Variants in ANKRD6 observed in about 807,000 individuals in gnomAD.
ANKRD6 encodes ankyrin repeat domain-containing protein 6.
Under a neutral mutation model 82.3 loss-of-function variants are expected in ANKRD6, and 56 were observed. The ratio of observed to expected loss-of-function variants is 0.68; its 90% CI spans 0.55 to 0.85. ANKRD6 has a LOEUF of 0.85. ANKRD6 is among the 40% of genes least tolerant of loss of function. The probability of loss-of-function intolerance (pLI) is 0.00; values close to 1 mark genes in which losing one functional copy is unlikely to be tolerated. For missense variants in ANKRD6, 852 were observed against 907.6 expected (o/e 0.94, Z 0.79); for synonymous variants, 347 against 352.1 (o/e 0.99, Z 0.16).
intron 1 of ANKRD6, among the ~76,000 whole-genome samples, chr6:89,492,988 C>A (rs563091161): frequency 6.6e-6 from 1 of 152,290 alleles, no homozygotes; most frequent in South Asian, 2.1e-4. Context: ...TGGCTTATGG[C>A]TTTTCATTAT....
intron 1 of ANKRD6, among the ~76,000 whole-genome samples, chr6:89,530,993 A>G (rs1453793052): frequency 6.6e-6 from 1 of 152,252 alleles, no homozygotes; most frequent in Non-Finnish European, 1.5e-5. Context: ...ACACATACGC[A>G]TAAAGTGTAA....
intron 1 of ANKRD6, among the ~76,000 whole-genome samples, chr6:89,492,233 G>GAGC (rs1020622323): frequency 1.3e-5 from 2 of 152,204 alleles, no homozygotes; most frequent in African/African-American, 4.8e-5. Flanking sequence ...AGAGAGAAGG[G>GAGC]AGCAGCCTGG....
chr6:89,628,216 G>A (rs1412889675), intron 14 of ANKRD6: 1 of 157,958 alleles, frequency 6.3e-6, no homozygotes, highest in Non-Finnish European at 1.4e-5. Context: ...CCTATAGGAA[G>A]GTGGCTTAAT....
intron 2 of ANKRD6, among the ~76,000 whole-genome samples, chr6:89,590,758 G>C (rs1391755206): frequency 6.6e-6 from 1 of 152,076 alleles, no homozygotes; most frequent in Non-Finnish European, 1.5e-5. Context: ...TGGCTGACGG[G>C]GTGAATCCAG....
At chr6:89,500,528 G>A (rs997994064) in intron 1 of ANKRD6, among the ~76,000 whole-genome samples, 7 of 152,096 alleles carry the variant, frequency 4.6e-5, no homozygotes, top group Non-Finnish European at 8.8e-5. Context: ...ATTAAAAAAC[G>A]AATAGTAACT....
In ANKRD6 at chr6:89,606,069, C is replaced by T. The variant is rs182815222; in HGVS notation, c.381C>T (p.Leu127=). The change falls in exon 5 of 16, where the codon CTC becomes CTT. Residue 127 remains leucine, a synonymous_variant. Transcript: ENST00000339746. Reference sequence around the variant, plus strand: ...GTTTCAGCCAGTCAGCCAAGCTGCTCATTAAAGCAGGAGCCAACGTGCTTG... The same window carrying T: ...GTTTCAGCCAGTCAGCCAAGCTGCTTATTAAAGCAGGAGCCAACGTGCTTG... The part of the protein sequence containing the change: ...WHGFSQSAKL[L]IKAGANVLAK... The T allele has an allele frequency of 1.9e-5, 31 of 1,592,346 alleles. No homozygotes were observed. The highest frequency in any genetic ancestry group is 9.1e-5 in the East Asian group (4 of 44,058).
chr6:89,594,414 A>G (rs1402266447), intron 2 of ANKRD6, among the ~76,000 whole-genome samples: 1 of 151,996 alleles, frequency 6.6e-6, no homozygotes, highest in Non-Finnish European at 1.5e-5. Context: ...TGATCATGCC[A>G]TTGCACTCCA....
At chr6:89,492,929 A>G (rs1778179076) in intron 1 of ANKRD6, among the ~76,000 whole-genome samples, 2 of 152,212 alleles carry the variant, frequency 1.3e-5, no homozygotes. Flanking sequence ...TGCATGACAC[A>G]TTCTTATATT....
intron 1 of ANKRD6, among the ~76,000 whole-genome samples, chr6:89,484,016 G>A (rs867527252): frequency 1.3e-5 from 2 of 152,022 alleles, no homozygotes; most frequent in African/African-American, 2.4e-5. Context: ...AGCGCTTCTC[G>A]TGCCTCAGTG....
intron 1 of ANKRD6, among the ~76,000 whole-genome samples, chr6:89,441,620 CTT>C (rs71556522): frequency 2.6e-3 from 206 of 80,406 alleles, no homozygotes; most frequent in African/African-American, 9.9e-3. Context: ...CTTTTCTTTC[CTT>C]TTTTTTTTTT....
chr6:89,521,027 T>A (rs1308261465), intron 1 of ANKRD6, among the ~76,000 whole-genome samples: 2 of 152,206 alleles, frequency 1.3e-5, no homozygotes, highest in African/African-American at 4.8e-5. Flanking sequence ...TCTCTTATTT[T>A]AAAATGGAAT....
Position 89,624,649 on chromosome 6 carries a change from G to A in ANKRD6, c.1329G>A (p.Met443Ile). ...AGCTGGGATCGGTTCAGGACAAAATGAATACAAAGCTGGGGCAGATGGAGA... is the reference window on the plus strand; with the variant it reads ...AGCTGGGATCGGTTCAGGACAAAATAAATACAAAGCTGGGGCAGATGGAGA... ...KAELGSVQDKMNTKLGQMENK... is the reference protein window; with the variant it reads ...KAELGSVQDKINTKLGQMENK... Residue 443 changes from methionine (M) to isoleucine (I), a missense_variant, in exon 13 of 16, where the codon ATG becomes ATA. Coordinates refer to ENST00000339746, the MANE Select transcript of ANKRD6 (RefSeq NM_001242809.2). 1 of 1,595,976 alleles carries A rather than the reference G, an allele frequency of 6.3e-7. No homozygotes were observed. Among genetic ancestry groups the A allele is most frequent in the Non-Finnish European group, 8.5e-7 (1 of 1,170,898 alleles).
chr6:89,541,635 G>A lies in ANKRD6; in HGVS notation c.-143-25199G>A, dbSNP rs188269542. On this transcript the variant is annotated intron_variant, in intron 1 of 15. Coordinates refer to ENST00000339746, the MANE Select transcript of ANKRD6 (RefSeq NM_001242809.2). The stretch of plus-strand genomic sequence containing the variant: ...TCCTGAACTCCTGACCTTGTGATCC[G>A]CCTGCCTCGGCCCCCCAGTATGTGT... Among the ~76,000 whole-genome samples, 5 of 151,678 alleles carry A rather than the reference G, an allele frequency of 3.3e-5. No homozygotes were observed. In the East Asian group the frequency reaches 5.8e-4, roughly 18 times the overall value.
chr6:89,439,434 G>A (rs901211781), intron 1 of ANKRD6, among the ~76,000 whole-genome samples: 2 of 152,106 alleles, frequency 1.3e-5, no homozygotes, highest in Non-Finnish European at 2.9e-5. Flanking sequence ...AAGTAAAATT[G>A]TAAAATTTGT....
chr6:89,503,546 C>A (rs1319246655), intron 1 of ANKRD6, among the ~76,000 whole-genome samples: 1 of 152,154 alleles, frequency 6.6e-6, no homozygotes, highest in Non-Finnish European at 1.5e-5. Context: ...TAATCCCCTA[C>A]ATTCTTCATC....
chr6:89,509,723 T>G (rs1780310302), intron 1 of ANKRD6, among the ~76,000 whole-genome samples: 1 of 152,212 alleles, frequency 6.6e-6, no homozygotes, highest in South Asian at 2.1e-4. Context: ...CGTCATTTAA[T>G]CTTCTAACAG....
intron 2 of ANKRD6, among the ~76,000 whole-genome samples, chr6:89,569,648 A>T (rs966664747): frequency 1.3e-5 from 2 of 152,226 alleles, no homozygotes; most frequent in African/African-American, 4.8e-5. Context: ...AAATCTGTTT[A>T]ACACGTTAAG....
chr6:89,434,703 G>A (rs577245090), intron 1 of ANKRD6, among the ~76,000 whole-genome samples: 8 of 152,164 alleles, frequency 5.3e-5, no homozygotes, highest in Admixed American at 1.3e-4. Flanking sequence ...GGGATTACAG[G>A]TGTGAGCCAC....
chr6:89,546,895 C>G (rs940495741), intron 1 of ANKRD6, among the ~76,000 whole-genome samples: 1 of 152,220 alleles, frequency 6.6e-6, no homozygotes, highest in Non-Finnish European at 1.5e-5. Flanking sequence ...CAGCCCCTCT[C>G]TAGTCCTTGG....
Sources: gnomAD v4.1 joint callset for allele counts (sites outside exome capture counted in the v4.1 genomes callset) on GRCh38, gnomAD v4.1.1 for gene constraint, MANE v1.5 for transcripts, NCBI Gene and HGNC (gene_info 2026-07-23, HGNC 2026-07-21) for gene names.